ZNF804B: variants seen among roughly 807,000 people sequenced by gnomAD.
ZNF804B encodes zinc finger 804B.
ZNF804B carries 80 observed loss-of-function variants against 101.4 expected under a neutral mutation model. The ratio of observed to expected loss-of-function variants is 0.79; its 90% CI spans 0.66 to 0.95. The LOEUF (loss-of-function observed/expected upper bound fraction) is 0.95, where lower values mean the gene tolerates loss of function less well. Among genes scored for constraint, ZNF804B ranks in the 40% least tolerant of loss-of-function variants. The pLI, the probability that ZNF804B is intolerant of heterozygous loss-of-function variation, is 0.00. For synonymous variants in ZNF804B, 622 were observed against 558.8 expected, an observed-to-expected ratio of 1.11 and a Z score of -1.59; for missense variants, 1,673 against 1,561.9, an observed-to-expected ratio of 1.07 and a Z score of -1.20.
At chr7:88,875,697 C>T (rs560688644) in intron 1 of ZNF804B, among the ~76,000 whole-genome samples, 1 of 151,978 alleles carries the variant, frequency 6.6e-6, no homozygotes, top group African/African-American at 2.4e-5. Flanking sequence ...GAGTCCAGGA[C>T]CAGATGGATT....
chr7:88,794,239 C>G (rs1275209506), intron 1 of ZNF804B: 1 of 1,613,480 alleles, frequency 6.2e-7, no homozygotes, highest in East Asian at 2.2e-5. Context: ...GTGTATGGGT[C>G]TATTATACAT....
intron 2 of ZNF804B, among the ~76,000 whole-genome samples, chr7:89,245,896 A>C (rs1223714030): frequency 6.6e-6 from 1 of 152,190 alleles, no homozygotes; most frequent in East Asian, 1.9e-4. Context: ...CTGAGGATCT[A>C]AGTAACCCAG....
intron 1 of ZNF804B, among the ~76,000 whole-genome samples, chr7:88,850,467 A>G (rs993953724): frequency 1.3e-5 from 2 of 152,020 alleles, no homozygotes; most frequent in African/African-American, 4.8e-5. Context: ...ATCATCTGAG[A>G]CTCGTGGAAA....
intron 1 of ZNF804B, among the ~76,000 whole-genome samples, chr7:88,822,014 T>G (rs1276747354): frequency 6.6e-6 from 1 of 152,180 alleles, no homozygotes; most frequent in African/African-American, 2.4e-5. Context: ...ATGTTCTGTA[T>G]GGTATGGTGC....
intron 1 of ZNF804B, among the ~76,000 whole-genome samples, chr7:88,902,157 C>T (rs921564275): frequency 6.6e-6 from 1 of 151,952 alleles, no homozygotes; most frequent in Non-Finnish European, 1.5e-5. Flanking sequence ...CTTGACTAAG[C>T]CACATACCTC....
At chr7:89,024,862 C>T (rs1176687765) in intron 1 of ZNF804B, among the ~76,000 whole-genome samples, 1 of 151,718 alleles carries the variant, frequency 6.6e-6, no homozygotes, top group Non-Finnish European at 1.5e-5. Flanking sequence ...GATTACTGTT[C>T]TACCTCAATC....
At chr7:89,001,737 A>C (rs12533447) in intron 1 of ZNF804B, among the ~76,000 whole-genome samples, 128,441 of 151,806 alleles carry the variant, frequency 0.85, 54,755 homozygotes, top group African/African-American at 0.95. Context: ...TAAAAATATT[A>C]ATACACTGTT....
At chr7:88,916,416 T>C (rs1194536756) in intron 1 of ZNF804B, among the ~76,000 whole-genome samples, 2 of 152,148 alleles carry the variant, frequency 1.3e-5, no homozygotes, top group African/African-American at 4.8e-5. Context: ...GTATTGGTAA[T>C]GAAAACAATG....
At chr7:89,235,044 A>G (rs1789259320) in intron 2 of ZNF804B, among the ~76,000 whole-genome samples, 1 of 152,156 alleles carries the variant, frequency 6.6e-6, no homozygotes, top group Admixed American at 6.5e-5. Flanking sequence ...GCTTAATCCA[A>G]TAAATACTTC....
intron 2 of ZNF804B, among the ~76,000 whole-genome samples, chr7:89,325,700 C>T (rs773899337): frequency 3.6e-4 from 55 of 151,776 alleles, no homozygotes; most frequent in Non-Finnish European, 6.6e-4. Flanking sequence ...AATCAATTTC[C>T]TTCTCTTTAT....
intron 1 of ZNF804B, among the ~76,000 whole-genome samples, chr7:89,167,163 C>A (rs1266432611): frequency 1.3e-5 from 2 of 151,614 alleles, no homozygotes; most frequent in Non-Finnish European, 2.9e-5. Context: ...AAAGAACTTT[C>A]CAGTATATTT....
At chr7:88,975,458 A>G (rs913397158) in intron 1 of ZNF804B, among the ~76,000 whole-genome samples, 3 of 151,128 alleles carry the variant, frequency 2.0e-5, no homozygotes, top group African/African-American at 7.3e-5. Flanking sequence ...CTTGTCTTTT[A>G]GGAAAAAAAA....
intron 2 of ZNF804B, among the ~76,000 whole-genome samples, chr7:89,253,794 A>C (rs371703141): frequency 6.6e-6 from 1 of 152,136 alleles, no homozygotes; most frequent in African/African-American, 2.4e-5. Flanking sequence ...TTGCATCTCA[A>C]TCCATCAATT....
chr7:89,105,379 A>G (rs1423820701), intron 1 of ZNF804B, among the ~76,000 whole-genome samples: 4 of 152,084 alleles, frequency 2.6e-5, no homozygotes, highest in African/African-American at 7.2e-5. Flanking sequence ...TCTAAATTCC[A>G]TGGATAGCTT....
At chr7:88,902,339 T>A (rs1224047748) in intron 1 of ZNF804B, among the ~76,000 whole-genome samples, 1 of 152,004 alleles carries the variant, frequency 6.6e-6, no homozygotes, top group East Asian at 1.9e-4. Flanking sequence ...CCCAAAGCAT[T>A]CAAATTAATA....
chr7:88,988,136 CT>C (rs1034819206), intron 1 of ZNF804B, among the ~76,000 whole-genome samples: 21 of 151,756 alleles, frequency 1.4e-4, no homozygotes, highest in African/African-American at 4.3e-4. Flanking sequence ...CATCCATGTT[CT>C]TATTAGTTTA....
intron 1 of ZNF804B, among the ~76,000 whole-genome samples, chr7:88,838,091 C>G (rs952548102): frequency 2.0e-5 from 3 of 151,656 alleles, no homozygotes; most frequent in African/African-American, 4.8e-5. Context: ...GATTCACAGA[C>G]AAAAACATTT....
intron 1 of ZNF804B, among the ~76,000 whole-genome samples, chr7:88,909,077 A>G (rs1042799895): frequency 6.6e-6 from 1 of 151,810 alleles, no homozygotes; most frequent in East Asian, 1.9e-4. Flanking sequence ...AGAAATTACT[A>G]TTCAACCTAA....
chr7:89,058,382 G>C (rs1408762651), intron 1 of ZNF804B, among the ~76,000 whole-genome samples: 1 of 143,866 alleles, frequency 7.0e-6, no homozygotes, highest in African/African-American at 2.5e-5. Context: ...ATATTTTATG[G>C]TATAACATAA....
Sources: gnomAD v4.1 joint callset for allele counts (sites outside exome capture counted in the v4.1 genomes callset) on GRCh38, gnomAD v4.1.1 for gene constraint, MANE v1.5 for transcripts, NCBI Gene and HGNC (gene_info 2026-07-23, HGNC 2026-07-21) for gene names.